The following PDE11A variants were observed in gnomAD, a reference collection of about 807,000 sequenced individuals.
PDE11A encodes the protein phosphodiesterase 11A, also known as dual 3',5'-cyclic-AMP and -GMP phosphodiesterase 11A.
Under a neutral mutation model 100.5 loss-of-function variants are expected in PDE11A, and 100 were observed. That is an observed-to-expected ratio of 1.00 (90% CI 0.85 to 1.18). The LOEUF (loss-of-function observed/expected upper bound fraction) is 1.18. Among genes scored for constraint, PDE11A ranks in the 50% most tolerant of loss-of-function variants. The probability of loss-of-function intolerance (pLI) is 0.00; values close to 1 mark genes in which losing one functional copy is unlikely to be tolerated. For synonymous variants in PDE11A, 381 were observed against 420.8 expected (o/e 0.91, Z 1.16); for missense variants, 1,141 against 1,152.6 (o/e 0.99, Z 0.15).
intron 5 of PDE11A, among the ~76,000 whole-genome samples, chr2:177,871,780 A>C (rs374932511): frequency 1.3e-5 from 2 of 151,820 alleles, no homozygotes; most frequent in African/African-American, 4.8e-5. Flanking sequence ...GGATTGCTTA[A>C]GCCCAGGAGT....
chr2:177,890,691 T>G (rs2105718143), intron 4 of PDE11A, among the ~76,000 whole-genome samples: 1 of 152,256 alleles, frequency 6.6e-6, no homozygotes, highest in African/African-American at 2.4e-5. Flanking sequence ...ACACCCTGAC[T>G]TTTAAGTTTG....
chr2:178,000,844 G>A lies in PDE11A; in HGVS notation c.1071+13458C>T, dbSNP rs578008915. Among the ~76,000 whole-genome samples, 7 of 152,204 alleles carry A rather than the reference G, an allele frequency of 4.6e-5. No homozygotes were observed. In the East Asian group the frequency reaches 9.6e-4, roughly 21 times the overall value. ...CCTCTCCTCACACACACACACAAAA[G>A]TATTAAACCTCAGTTTATTTAACCA... On this transcript the variant is annotated intron_variant, in intron 2 of 19. Coordinates refer to ENST00000286063, the MANE Select transcript of PDE11A (RefSeq NM_016953.4).
chr2:177,997,130 C>T (rs2086085930), intron 2 of PDE11A: 10 of 916,320 alleles, frequency 1.1e-5, no homozygotes, highest in Non-Finnish European at 1.8e-6. Flanking sequence ...CCCGGAAATC[C>T]AATGAGTAGT....
chr2:177,907,919 A>C (rs2084816038), intron 2 of PDE11A, among the ~76,000 whole-genome samples: 1 of 152,190 alleles, frequency 6.6e-6, no homozygotes, highest in Admixed American at 6.5e-5. Context: ...GTGAGTAATA[A>C]ACTGTTTTTT....
chr2:177,933,911 G>T (rs2085240386), intron 2 of PDE11A, among the ~76,000 whole-genome samples: 1 of 152,120 alleles, frequency 6.6e-6, no homozygotes, highest in Non-Finnish European at 1.5e-5. Context: ...ATGGTGTTGG[G>T]ATAGCTGGCG....
At chr2:177,729,723 T>TC (rs1559163621) in intron 10 of PDE11A, among the ~76,000 whole-genome samples, 1 of 152,150 alleles carries the variant, frequency 6.6e-6, no homozygotes, top group South Asian at 2.1e-4. Flanking sequence ...TGAAAATAAC[T>TC]CCCCCCTCCA....
chr2:177,728,668 C>G (rs2105448563), intron 10 of PDE11A, among the ~76,000 whole-genome samples: 1 of 152,178 alleles, frequency 6.6e-6, no homozygotes, highest in Non-Finnish European at 1.5e-5. Context: ...TCTGTATATT[C>G]AGAATGATCG....
At chr2:177,646,244 T>G (rs2080222108) in intron 19 of PDE11A, among the ~76,000 whole-genome samples, 1 of 152,200 alleles carries the variant, frequency 6.6e-6, no homozygotes, top group Non-Finnish European at 1.5e-5. Context: ...ACTGGACATT[T>G]TACAATTTTA....
intron 2 of PDE11A, among the ~76,000 whole-genome samples, chr2:177,980,630 A>G (rs1009874382): frequency 4.6e-5 from 7 of 150,764 alleles, no homozygotes; most frequent in Non-Finnish European, 7.4e-5. Context: ...GGATTTTTTA[A>G]AAGAAATTCT....
chr2:177,793,443 G>A (rs1443292859), intron 9 of PDE11A, among the ~76,000 whole-genome samples: 1 of 151,334 alleles, frequency 6.6e-6, no homozygotes, highest in African/African-American at 2.4e-5. Flanking sequence ...GTGGACTGGA[G>A]GTGGGCAAGA....
intron 9 of PDE11A, among the ~76,000 whole-genome samples, chr2:177,810,298 C>T (rs2082930793): frequency 6.6e-6 from 1 of 151,954 alleles, no homozygotes; most frequent in Non-Finnish European, 1.5e-5. Flanking sequence ...TATTGAGTAC[C>T]AATTATATAT....
intron 15 of PDE11A, among the ~76,000 whole-genome samples, chr2:177,694,348 C>A (rs759602820): frequency 6.6e-6 from 1 of 152,102 alleles, no homozygotes; most frequent in Non-Finnish European, 1.5e-5. Flanking sequence ...AACACAAGAT[C>A]CTGCAAGTGT....
chr2:177,779,795 G>A (rs1028100146), intron 9 of PDE11A, among the ~76,000 whole-genome samples: 8 of 152,136 alleles, frequency 5.3e-5, no homozygotes, highest in Admixed American at 6.5e-5. Context: ...TCCAAACTCC[G>A]GTTAATGTTG....
rs1403310801 is a variant in PDE11A at position 177,876,071 on chromosome 2, G to T, written c.1303-148C>A. 26 of 674,236 alleles carry T rather than the reference G, an allele frequency of 3.9e-5. No homozygotes were observed. The East Asian group carries it at 6.8e-4, about 18-fold the overall frequency. 41.8% of individuals were successfully genotyped at this position (674,236 alleles called of 1,614,324 possible). A position where few individuals can be genotyped will look rare whatever the true frequency, so the allele number is the denominator to read the frequency against. ...AGTGGAGAAATCCCAAGACAGAGTA[G>T]AAGAGGAGAATCCCATCCTACATCT... On this transcript the variant is annotated intron_variant, in intron 4 of 19. Coordinates refer to ENST00000286063, the MANE Select transcript of PDE11A (RefSeq NM_016953.4).
At chr2:177,970,197 T>C (rs1235313637) in intron 2 of PDE11A, among the ~76,000 whole-genome samples, 1 of 152,156 alleles carries the variant, frequency 6.6e-6, no homozygotes, top group Non-Finnish European at 1.5e-5. Flanking sequence ...TCAAATGCCA[T>C]GCTAAAAAGT....
chr2:177,896,348 T>C (rs2105725215), intron 4 of PDE11A, among the ~76,000 whole-genome samples: 1 of 152,312 alleles, frequency 6.6e-6, no homozygotes, highest in African/African-American at 2.4e-5. Flanking sequence ...CCATAAAAAT[T>C]AGTCGAAGTT....
intron 5 of PDE11A, among the ~76,000 whole-genome samples, chr2:177,867,974 G>A (rs530690025): frequency 4.7e-4 from 71 of 152,286 alleles, no homozygotes; most frequent in Middle Eastern, 3.4e-3. Context: ...CTAGAGCTAC[G>A]TCTCATGGGA....
chr2:178,095,330 C>T (rs1016671492), intron 2 of PDE11A, among the ~76,000 whole-genome samples: 1 of 152,170 alleles, frequency 6.6e-6, no homozygotes, highest in East Asian at 1.9e-4. Context: ...CGTGCAAGTC[C>T]GAAATCCAGC....
Position 177,701,162 on chromosome 2 carries a change from G to T in PDE11A, c.2203C>A (p.His735Asn). Reference protein sequence around the residue: ...QLYGTSATLEHHHFNHAVMIL... With the variant: ...QLYGTSATLENHHFNHAVMIL... ...ATCACGGCGTGGTTGAAATGGTGAT[G>T]CTCCAAGGTAGCAGAGGTTCCATAG... The change falls in exon 14 of 20, where the codon CAT becomes AAT. Residue 735 changes from histidine to asparagine, a missense_variant. Transcript: ENST00000286063. 1 of 1,608,044 alleles carries T rather than the reference G, an allele frequency of 6.2e-7. No homozygotes were observed. Among genetic ancestry groups the T allele is most frequent in the Non-Finnish European group, 8.5e-7 (1 of 1,174,520 alleles).
Sources: allele counts gnomAD v4.1 joint callset (sites outside exome capture counted in the v4.1 genomes callset), GRCh38; gene constraint gnomAD v4.1.1; transcripts MANE v1.5; gene names NCBI Gene and HGNC (gene_info 2026-07-23, HGNC 2026-07-21).